KLHL7: variants seen among roughly 807,000 people sequenced by gnomAD.
KLHL7 encodes kelch-like protein 7.
Under a neutral mutation model 67.4 loss-of-function variants are expected in KLHL7, and 44 were observed. That is an observed-to-expected ratio of 0.65 (90% confidence interval 0.51 to 0.84). The LOEUF is 0.84. Ranked by LOEUF, KLHL7 falls within the 40% of genes least tolerant of loss-of-function variation. The pLI is 0.00. For synonymous variants in KLHL7, 252 were observed against 243.3 expected, an observed-to-expected ratio of 1.04 and a Z score of -0.33; for missense variants, 362 against 718.1, an observed-to-expected ratio of 0.50 and a Z score of 5.67.
At chr7:23,116,700 G>A (rs937025579) in intron 1 of KLHL7, among the ~76,000 whole-genome samples, 1 of 152,180 alleles carries the variant, frequency 6.6e-6, no homozygotes, top group Non-Finnish European at 1.5e-5. Flanking sequence ...GCTACTGCCA[G>A]CCGTCACTAC....
chr7:23,148,275 C>A, intron 6 of KLHL7, among the ~76,000 whole-genome samples: 1 of 148,310 alleles, frequency 6.7e-6, no homozygotes, highest in East Asian at 2.0e-4. Context: ...TAAATGAAAA[C>A]AAAACTGAAA....
Position 23,131,231 on chromosome 7 carries a change from T to C in KLHL7, c.442+6059T>C, listed in dbSNP as rs147923061. On this transcript the variant is annotated intron_variant, in intron 4 of 10. Coordinates refer to ENST00000339077, the MANE Select transcript of KLHL7 (RefSeq NM_001031710.3). ...TCTTCCATGGCATATTTACTTTTAC[T>C]TGATGCTAAATCAAATGAAACAAGA... Among the ~76,000 whole-genome samples the C allele has an allele frequency of 1.9e-3, 287 of 152,338 alleles. 3 individuals are homozygous for C. The highest frequency in any genetic ancestry group is 7.0e-3 in the South Asian group (34 of 4,824).
chr7:23,152,153 C>T lies in KLHL7; in HGVS notation c.880C>T (p.Arg294Cys). The T allele has an allele frequency of 2.5e-6, 4 of 1,613,786 alleles. No individual in the cohort carries two copies. Among genetic ancestry groups the T allele is most frequent in the Non-Finnish European group, 3.4e-6 (4 of 1,179,742 alleles). Reference sequence around the variant, plus strand: ...ACCTAGAAGAAAGAAACATGACTACCGCATAGCCCTATTTGGAGGCTCTCA... The same window carrying T: ...ACCTAGAAGAAAGAAACATGACTACTGCATAGCCCTATTTGGAGGCTCTCA... ...TRPRRKKHDY[R>C]IALFGGSQPQ... The change falls in exon 7 of 11, where the codon CGC becomes TGC. Residue 294 changes from arginine to cysteine, a missense_variant. Coordinates refer to ENST00000339077, the MANE Select transcript of KLHL7 (RefSeq NM_001031710.3).
chr7:23,149,156 A>G (rs1283180368), intron 6 of KLHL7, among the ~76,000 whole-genome samples: 1 of 152,242 alleles, frequency 6.6e-6, no homozygotes, highest in Non-Finnish European at 1.5e-5. Flanking sequence ...AGCCACCACA[A>G]AGGGCCAGGC....
At chr7:23,143,586 C>T (rs914352639) in intron 5 of KLHL7, among the ~76,000 whole-genome samples, 4 of 151,386 alleles carry the variant, frequency 2.6e-5, no homozygotes, top group African/African-American at 9.7e-5. Flanking sequence ...AGGAAGCTAT[C>T]TTTTTTTTAA....
chr7:23,112,081 C>G (rs574627754), intron 1 of KLHL7, among the ~76,000 whole-genome samples: 3 of 152,134 alleles, frequency 2.0e-5, no homozygotes, highest in African/African-American at 7.2e-5. Flanking sequence ...AATTAGGTAA[C>G]CAAATTAAGA....
At chr7:23,118,900 C>T (rs989210904) in intron 1 of KLHL7, among the ~76,000 whole-genome samples, 1 of 151,826 alleles carries the variant, frequency 6.6e-6, no homozygotes, top group South Asian at 2.1e-4. Flanking sequence ...AGTGAGACCT[C>T]GTCTCTACAA....
chr7:23,148,064 T>G lies in KLHL7; in HGVS notation c.794-4003T>G, dbSNP rs1297372257. ...ACAGCCAATAAAAACAATTTCTAGG[T>G]TTCCAGTATTTTCATTAGACTTATC... On this transcript the variant is annotated intron_variant, in intron 6 of 10. Transcript: ENST00000339077. Among the ~76,000 whole-genome samples, 9 of 152,282 alleles carry G rather than the reference T, an allele frequency of 5.9e-5. No homozygotes were observed. The South Asian group carries it at 8.3e-4, about 14-fold the overall frequency.
intron 4 of KLHL7, among the ~76,000 whole-genome samples, chr7:23,139,134 A>G (rs1428227558): frequency 6.6e-6 from 1 of 151,118 alleles, no homozygotes; most frequent in Non-Finnish European, 1.5e-5. Flanking sequence ...GAATGGGGAT[A>G]GTGGGAAAGG....
intron 6 of KLHL7, among the ~76,000 whole-genome samples, chr7:23,149,016 C>T (rs74389549): frequency 0.026 from 4,020 of 152,178 alleles, 181 homozygotes; most frequent in African/African-American, 0.092. Context: ...TTCCTACCAC[C>T]GGACTTTGTT....
intron 7 of KLHL7, among the ~76,000 whole-genome samples, chr7:23,152,613 T>G (rs1192482590): frequency 3.9e-5 from 6 of 152,332 alleles, no homozygotes; most frequent in African/African-American, 1.4e-4. Flanking sequence ...TCTAGAATAT[T>G]TGGAAACCCT....
chr7:23,168,269 GTGCAATAAA>G (rs1261850474), intron 9 of KLHL7, among the ~76,000 whole-genome samples: 1 of 152,096 alleles, frequency 6.6e-6, no homozygotes, highest in Non-Finnish European at 1.5e-5. Context: ...CTGGTTCTGC[GTGCAATAAA>G]TGCCTATGAA....
At chr7:23,112,690 T>A (rs11769544) in intron 1 of KLHL7, among the ~76,000 whole-genome samples, 1 of 152,214 alleles carries the variant, frequency 6.6e-6, no homozygotes, top group Non-Finnish European at 1.5e-5. Context: ...AAAATACTTA[T>A]AGTAGGACAT....
intron 4 of KLHL7, among the ~76,000 whole-genome samples, chr7:23,133,177 G>T (rs550073989): frequency 9.3e-4 from 141 of 152,234 alleles, no homozygotes; most frequent in African/African-American, 3.1e-3. Flanking sequence ...CTTCTGTGAA[G>T]AATGTCATTG....
chr7:23,152,354 GATCATTTTACAGATAAGGAA>G, intron 7 of KLHL7, 145 bp downstream of exon 7: 2 of 774,408 alleles, frequency 2.6e-6, no homozygotes, highest in South Asian at 3.1e-5. Context: ...GAGATACATA[GATCATTTTACAGATAAGGAA>G]ATCAGGCTTA....
chr7:23,158,090 T>C (rs9639457), intron 7 of KLHL7, among the ~76,000 whole-genome samples: 140,752 of 152,142 alleles, frequency 0.93, 65,294 homozygotes, highest in East Asian at 0.99. Context: ...TCAGCCTCTC[T>C]AGTAGTTGGG....
intron 4 of KLHL7, 172 bp downstream of exon 4, chr7:23,125,344 C>G (rs1483789184): frequency 1.6e-6 from 1 of 629,990 alleles, no homozygotes; most frequent in East Asian, 2.9e-5. Flanking sequence ...TGCATATTAA[C>G]CTGGGCAGCA....
Position 23,106,501 on chromosome 7 carries a change from T to C in KLHL7, c.120+355T>C, listed in dbSNP as rs1332130160. On this transcript the variant is annotated intron_variant, in intron 1 of 10. Coordinates refer to ENST00000339077, the MANE Select transcript of KLHL7 (RefSeq NM_001031710.3). ...CGAGCCGTTTTAAGGTGCCGTGAGA[T>C]CTTGTGTGAAGAAACCCGTTGGCAT... is the stretch of plus-strand genomic sequence containing the variant. The C allele has an allele frequency of 1.6e-5, 19 of 1,154,454 alleles. No individual in the cohort carries two copies. In the South Asian group the frequency reaches 3.5e-4, roughly 21 times the overall value. The allele number at this position is 1,154,454 out of a possible 1,614,324, so 71.5% of individuals were successfully genotyped here. A position where few individuals can be genotyped will look rare whatever the true frequency, so the allele number is the denominator to read the frequency against.
intron 7 of KLHL7, among the ~76,000 whole-genome samples, chr7:23,154,898 G>A (rs1784653047): frequency 6.6e-6 from 1 of 152,174 alleles, no homozygotes; most frequent in African/African-American, 2.4e-5. Context: ...GTTCCTCCAA[G>A]GCAAGCAGTT....
Sources: allele counts gnomAD v4.1 joint callset (sites outside exome capture counted in the v4.1 genomes callset), GRCh38; gene constraint gnomAD v4.1.1; transcripts MANE v1.5; gene names NCBI Gene and HGNC (gene_info 2026-07-23, HGNC 2026-07-21).